RNF213: variants seen among roughly 807,000 people sequenced by gnomAD.
RNF213 encodes ring finger protein 213.
In RNF213, 341 loss-of-function variants were observed where a neutral mutation model predicts 514.4. The ratio of observed to expected loss-of-function variants is 0.66; its 90% CI spans 0.61 to 0.73. The LOEUF (loss-of-function observed/expected upper bound fraction) is 0.73, where lower values mean the gene tolerates loss of function less well. RNF213 is among the 30% of genes least tolerant of loss of function. The pLI, the probability that RNF213 is intolerant of heterozygous loss-of-function variation, is 0.00. For missense variants in RNF213, 5,767 were observed against 6,615.6 expected (o/e 0.87, Z 4.45); for synonymous variants, 2,655 against 2,658.2 (o/e 1.00, Z 0.04).
chr17:80,297,595 G>A (rs940149413), intron 10 of RNF213, among the ~76,000 whole-genome samples: 2 of 151,198 alleles, frequency 1.3e-5, no homozygotes, highest in African/African-American at 2.4e-5. Flanking sequence ...AAATAGAGCC[G>A]GCCAACACAG....
At chr17:80,361,939 G>A in intron 39 of RNF213, 51 bp downstream of exon 39, 1 of 1,575,446 alleles carries the variant, frequency 6.3e-7, no homozygotes, top group South Asian at 1.1e-5. Flanking sequence ...TGCATGATGG[G>A]GACTGGATGC....
intron 42 of RNF213, among the ~76,000 whole-genome samples, chr17:80,365,949 G>A (rs950139934): frequency 1.8e-4 from 28 of 152,128 alleles, no homozygotes; most frequent in Admixed American, 1.4e-3. Context: ...TTTTTTTGGC[G>A]ATAAAATGGC....
chr17:80,352,860 G>T, intron 32 of RNF213, 80 bp from the exon 33 acceptor site: 1 of 1,597,780 alleles, frequency 6.3e-7, no homozygotes. Context: ...ACAAGCCAGG[G>T]TGTGCAATGT....
chr17:80,278,076 A>C (rs1038948764), intron 3 of RNF213, among the ~76,000 whole-genome samples: 1 of 152,216 alleles, frequency 6.6e-6, no homozygotes, highest in Non-Finnish European at 1.5e-5. Flanking sequence ...TGGAGAGGCT[A>C]CTGGGCTTGG....
In RNF213 at chr17:80,263,309, A is replaced by C. The variant is rs1598869911; in HGVS notation, c.-108-265A>C. ...CATCAGCAGGCTGAGCGCCTTGCTC[A>C]GGGCAGGCCGTGGGACCCTGCCGAA... On this transcript the variant is annotated intron_variant, in intron 1 of 67. Transcript: ENST00000582970. This position sits in a 1 kb window ranked among gnomAD's most constrained non-coding sequence, Gnocchi z 4.9. Among the ~76,000 whole-genome samples the C allele has an allele frequency of 6.6e-6, 1 of 152,282 alleles. No homozygotes were observed. The highest frequency in any genetic ancestry group is 2.1e-4 in the South Asian group (1 of 4,830).
rs1263999336 is a variant in RNF213 at position 80,383,942 on chromosome 17, A to C, written c.14322+14A>C. On this transcript the variant is annotated intron_variant, in intron 59 of 67. Coordinates refer to ENST00000582970, the MANE Select transcript of RNF213 (RefSeq NM_001256071.3). ...TTCCTGCAGAAGGTATGTCTGGCTT[A>C]CTGTGGCTCCCTCCCTCTTTCGGTG... The C allele has an allele frequency of 3.7e-6, 6 of 1,614,168 alleles. No homozygotes were observed. Among genetic ancestry groups the C allele is most frequent in the Non-Finnish European group, 5.1e-6 (6 of 1,180,018 alleles).
chr17:80,320,378 G>A (rs571393353), intron 17 of RNF213: 1 of 152,240 alleles, frequency 6.6e-6, no homozygotes, highest in East Asian at 1.9e-4. Context: ...TTGAGACAGA[G>A]TTTCACTCTT....
chr17:80,268,584 T>C (rs2043689354), intron 2 of RNF213, among the ~76,000 whole-genome samples: 1 of 151,536 alleles, frequency 6.6e-6, no homozygotes, highest in South Asian at 2.1e-4. Context: ...ATTCTCCTAA[T>C]ACATCCTCTC....
chr17:80,383,132 C>T (rs2080091048), intron 58 of RNF213, 62 bp downstream of exon 58: 3 of 1,159,416 alleles, frequency 2.6e-6, no homozygotes, highest in Non-Finnish European at 3.9e-6. Context: ...GTCCCGGCGT[C>T]TGCTGAATGC....
intron 31 of RNF213, 91 bp from the exon 32 acceptor site, chr17:80,351,594 T>C (rs2078517719): frequency 8.0e-6 from 6 of 748,514 alleles, no homozygotes; most frequent in Non-Finnish European, 1.4e-5. Flanking sequence ...AACACCCTTC[T>C]GCAGCTGCAC....
At position 80,347,757 on chromosome 17, in the gene RNF213, G is replaced by A. The variant is rs1218129336; in HGVS notation, c.9422G>A (p.Arg3141Gln). The change falls in exon 29 of 68, where the codon CGG (arginine) becomes CAG (glutamine). Residue 3141 changes from arginine to glutamine, a missense_variant. Coordinates refer to ENST00000582970, the MANE Select transcript of RNF213 (RefSeq NM_001256071.3). The surrounding 1 kb of genome is among the most constrained non-coding windows in gnomAD (Gnocchi z 7.2). Reference sequence around the variant, plus strand: ...CTGGGGACCCACCGCGTCAAATGTCGGGTTCACCCCAACTTCCGCCTGATT... The same window carrying A: ...CTGGGGACCCACCGCGTCAAATGTCAGGTTCACCCCAACTTCCGCCTGATT... ...LGLGTHRVKC[R>Q]VHPNFRLIVI... The A allele has an allele frequency of 8.7e-6, 14 of 1,614,034 alleles. No homozygotes were observed. The highest frequency in any genetic ancestry group is 2.2e-5 in the South Asian group (2 of 91,090).
chr17:80,268,564 G>A (rs1170758140), intron 2 of RNF213, among the ~76,000 whole-genome samples: 3 of 151,940 alleles, frequency 2.0e-5, no homozygotes, highest in Admixed American at 6.6e-5. Flanking sequence ...CTCCATAGTC[G>A]TGTGAGCCAA....
chr17:80,290,654 A>C lies in RNF213; in HGVS notation c.1197A>C (p.Lys399Asn). The change falls in exon 7 of 68, where the codon AAA becomes AAC. Residue 399 changes from lysine (K) to asparagine (N), a missense_variant. Coordinates refer to ENST00000582970, the MANE Select transcript of RNF213 (RefSeq NM_001256071.3). ...TCCCATTCAATCCTGACCTCCATAAAGTCTTCATCAGAGGAGGAGAAGAAT... is the reference window on the plus strand; with the variant it reads ...TCCCATTCAATCCTGACCTCCATAACGTCTTCATCAGAGGAGGAGAAGAAT... ...LHFPFNPDLH[K>N]VFIRGGEEFG... 6.2e-7 allele frequency: 1 copy of C among 1,614,160 alleles called. No homozygotes were observed. Among genetic ancestry groups the C allele is most frequent in the South Asian group, 1.1e-5 (1 of 91,080 alleles).
intron 11 of RNF213, among the ~76,000 whole-genome samples, chr17:80,301,948 C>A (rs1160397932): frequency 1.3e-5 from 2 of 152,146 alleles, no homozygotes; most frequent in East Asian, 3.8e-4. Context: ...TACTATTTGG[C>A]CACCAAAAAG....
chr17:80,283,207 G>A (rs911836629), intron 3 of RNF213, among the ~76,000 whole-genome samples: 3 of 152,146 alleles, frequency 2.0e-5, no homozygotes, highest in African/African-American at 2.4e-5. Flanking sequence ...AGCACAGGGC[G>A]CCTACCAGGG....
rs746330372 is a variant in RNF213, at chr17:80,288,773, C to T, written c.933+18C>T. On this transcript the variant is annotated intron_variant, in intron 5 of 67. Transcript: ENST00000582970. The surrounding 1 kb of genome is among the most constrained non-coding windows in gnomAD (Gnocchi z 4.9). ...ACTGCCAGGTGCGTCTCCTTCCTGCCTGCCGGCTCCAGGAGGCCCTCTCCT... is the reference window on the plus strand; with the variant it reads ...ACTGCCAGGTGCGTCTCCTTCCTGCTTGCCGGCTCCAGGAGGCCCTCTCCT... The T allele has an allele frequency of 1.2e-6, 2 of 1,614,016 alleles. No homozygotes were observed. Among genetic ancestry groups the T allele is most frequent in the East Asian group, 2.2e-5 (1 of 44,892 alleles).
At chr17:80,289,389 A>G (rs1462965167) in intron 5 of RNF213, among the ~76,000 whole-genome samples, 1 of 152,172 alleles carries the variant, frequency 6.6e-6, no homozygotes, top group Non-Finnish European at 1.5e-5. Flanking sequence ...CAGGAGTTCA[A>G]GACCAGCCTG....
Position 80,368,021 on chromosome 17 carries a change from C to T in RNF213, c.12033C>T (p.Pro4011=), listed in dbSNP as rs1300361761. The change falls in exon 44 of 68, where the codon CCC becomes CCT. Residue 4011 remains proline (P), a synonymous_variant. Coordinates refer to ENST00000582970, the MANE Select transcript of RNF213 (RefSeq NM_001256071.3). ...ATGCAAAGGACCCCGTCTGTCTGCC[C>T]TGCGACCACGTGCACTGCCTGCGCT... ...LGDAKDPVCL[P]CDHVHCLRCL... The T allele has an allele frequency of 1.2e-6, 2 of 1,614,268 alleles. No individual in the cohort carries two copies. Among genetic ancestry groups the T allele is most frequent in the Non-Finnish European group, 1.7e-6 (2 of 1,180,050 alleles).
chr17:80,261,491 G>A (rs1268711408), intron 1 of RNF213, among the ~76,000 whole-genome samples: 1 of 152,164 alleles, frequency 6.6e-6, no homozygotes, highest in African/African-American at 2.4e-5. Context: ...GCCGGGCCCT[G>A]GGGGAGTCCA....
Sources: allele counts gnomAD v4.1 joint callset (sites outside exome capture counted in the v4.1 genomes callset), GRCh38; gene constraint gnomAD v4.1.1; non-coding constraint Gnocchi (gnomAD v3.1); transcripts MANE v1.5; gene names NCBI Gene and HGNC (gene_info 2026-07-23, HGNC 2026-07-21).